Variants in COL19A1 observed in about 807,000 individuals in gnomAD.
COL19A1 encodes the protein collagen alpha-1(XIX) chain.
COL19A1 carries 159 observed loss-of-function variants against 190.2 expected under a neutral mutation model. That is an observed-to-expected ratio of 0.84 (90% CI 0.73 to 0.95). COL19A1 has a LOEUF of 0.95. COL19A1 is among the 40% of genes least tolerant of loss of function. COL19A1 has a pLI of 0.00. For synonymous variants in COL19A1, 509 were observed against 458.9 expected, an observed-to-expected ratio of 1.11 and a Z score of -1.39; for missense variants, 1,418 against 1,431.9, an observed-to-expected ratio of 0.99 and a Z score of 0.16.
Position 70,130,214 on chromosome 6 carries a change from AG to A in COL19A1, c.1376del (p.Gly459GlufsTer41). ...ATGAACATGAAGCTGGAGGCCTGAA[AG>A]GAGACAAGGTAATCAGATTTTTTTT... ...NDEHEAGGLK[G>X]DKGETGLPGF... is the part of the protein sequence containing the mutation. On this transcript the variant is annotated frameshift_variant, in exon 18 of 51. Transcript: ENST00000620364. LOFTEE classifies it high-confidence loss of function. 1 of 1,613,128 alleles carries A rather than the reference AG, an allele frequency of 6.2e-7. No homozygotes were observed. The highest frequency in any genetic ancestry group is 8.5e-7 in the Non-Finnish European group (1 of 1,179,692).
chr6:69,967,847 T>C (rs890204373), intron 11 of COL19A1, among the ~76,000 whole-genome samples: 2 of 152,220 alleles, frequency 1.3e-5, no homozygotes, highest in Non-Finnish European at 2.9e-5. Context: ...TATTGAACTC[T>C]ATATTGTTAT....
chr6:69,980,061 A>G (rs910763125), intron 11 of COL19A1, among the ~76,000 whole-genome samples: 7 of 152,036 alleles, frequency 4.6e-5, no homozygotes, highest in Non-Finnish European at 7.4e-5. Context: ...AGTTGGTAAA[A>G]TTTTTTAAAG....
Position 70,156,244 on chromosome 6 carries a change from G to T in COL19A1, c.2184+13G>T. 1 of 1,613,200 alleles carries T rather than the reference G, an allele frequency of 6.2e-7. No homozygotes were observed. The highest frequency in any genetic ancestry group is 8.5e-7 in the Non-Finnish European group (1 of 1,179,490). ...CATGGCCCGGAAGGTGAGAAGCCTG[G>T]CTGAATGTTTACGATCCCTGTGGGT... On this transcript the variant is annotated intron_variant, in intron 32 of 50. Transcript: ENST00000620364.
At chr6:69,872,621 G>A (rs1405301712) in intron 1 of COL19A1, among the ~76,000 whole-genome samples, 1 of 152,198 alleles carries the variant, frequency 6.6e-6, no homozygotes. Context: ...CACTTACCCA[G>A]CTGGTACCCA....
At chr6:69,899,878 A>G (rs1770048972) in intron 3 of COL19A1, among the ~76,000 whole-genome samples, 1 of 152,174 alleles carries the variant, frequency 6.6e-6, no homozygotes, top group Admixed American at 6.5e-5. Context: ...TTAGATTTAA[A>G]CTGAATGGCT....
intron 15 of COL19A1, among the ~76,000 whole-genome samples, chr6:70,101,400 C>T (rs941043835): frequency 6.6e-6 from 1 of 151,948 alleles, no homozygotes; most frequent in Non-Finnish European, 1.5e-5. Flanking sequence ...TTATTAGATT[C>T]ACGGGTACTT....
chr6:70,197,955 T>G (rs3806062), intron 48 of COL19A1, among the ~76,000 whole-genome samples: 2,127 of 152,372 alleles, frequency 0.014, 76 homozygotes, highest in East Asian at 0.13. Flanking sequence ...TTTTCTTTCT[T>G]AACCAGTATG....
chr6:70,166,631 C>A (rs150009746), intron 37 of COL19A1, among the ~76,000 whole-genome samples: 8 of 152,322 alleles, frequency 5.3e-5, no homozygotes, highest in Admixed American at 5.2e-4. Context: ...CCCCACCTCA[C>A]AGGAATACTT....
intron 30 of COL19A1, among the ~76,000 whole-genome samples, chr6:70,150,982 T>TA (rs1787022483): frequency 2.0e-5 from 3 of 152,170 alleles, no homozygotes; most frequent in African/African-American, 7.2e-5. Flanking sequence ...AAGGCAAACT[T>TA]ATCTGGTACT....
intron 44 of COL19A1, among the ~76,000 whole-genome samples, chr6:70,181,348 G>A (rs1342692713): frequency 6.6e-6 from 1 of 152,114 alleles, no homozygotes; most frequent in African/African-American, 2.4e-5. Flanking sequence ...GAAGATCTGG[G>A]TCTGAATTAT....
At chr6:70,035,857 CA>C in intron 13 of COL19A1, 46 bp from the exon 14 acceptor site, 2 of 1,526,526 alleles carry the variant, frequency 1.3e-6, no homozygotes, top group Non-Finnish European at 1.8e-6. Flanking sequence ...AAATAATGTG[CA>C]AAAAGGGACT....
chr6:70,102,695 G>C (rs890922483), intron 16 of COL19A1, among the ~76,000 whole-genome samples: 25 of 152,012 alleles, frequency 1.6e-4, no homozygotes, highest in African/African-American at 5.8e-4. Flanking sequence ...TAACCAGTTA[G>C]CTTATCTGGA....
rs117360937 is a variant in COL19A1 at position 70,098,863 on chromosome 6, G to A, written c.1225-3306G>A. 9.9e-3 allele frequency among the ~76,000 whole-genome samples: 1,501 copies of A among 151,832 alleles called. 6 individuals carry two copies. The highest frequency in any genetic ancestry group is 0.016 in the Non-Finnish European group (1,105 of 67,942). On this transcript the variant is annotated intron_variant, in intron 15 of 50. Transcript: ENST00000620364. ...CAAGACAAGGGAGTTAATTCCTAGG[G>A]GTCCTTGGAGAGAAGAACAATGATG... is the stretch of plus-strand genomic sequence containing the variant.
chr6:69,967,977 A>T (rs1213083766), intron 11 of COL19A1, among the ~76,000 whole-genome samples: 4 of 152,212 alleles, frequency 2.6e-5, no homozygotes, highest in Non-Finnish European at 5.9e-5. Context: ...ATCTGGGGTT[A>T]TTTATAATAA....
chr6:70,121,711 T>G (rs1021756805), intron 16 of COL19A1, among the ~76,000 whole-genome samples, 169 bp from the exon 17 acceptor site: 1 of 152,194 alleles, frequency 6.6e-6, no homozygotes, highest in South Asian at 2.1e-4. Flanking sequence ...CTTAGGAACC[T>G]GATGATAAGT....
intron 44 of COL19A1, among the ~76,000 whole-genome samples, chr6:70,184,460 A>C (rs1162646440): frequency 6.6e-6 from 1 of 152,220 alleles, no homozygotes; most frequent in Non-Finnish European, 1.5e-5. Flanking sequence ...ACTAGTGAAG[A>C]GATTGATGCT....
chr6:70,133,180 C>G (rs9446205), intron 18 of COL19A1, among the ~76,000 whole-genome samples: 2,812 of 152,186 alleles, frequency 0.018, 88 homozygotes, highest in African/African-American at 0.064. Flanking sequence ...AATATTTAAC[C>G]AGAAGAATAA....
intron 1 of COL19A1, 21 bp from the exon 2 acceptor site, chr6:69,879,515 A>ATTT (rs878981757): frequency 8.5e-7 from 1 of 1,171,552 alleles, no homozygotes; most frequent in Non-Finnish European, 1.2e-6. Context: ...CTTTATTCAA[A>ATTT]TTTTTTTTTT....
At chr6:70,189,403 C>A (rs1766720269) in intron 47 of COL19A1, among the ~76,000 whole-genome samples, 1 of 152,164 alleles carries the variant, frequency 6.6e-6, no homozygotes, top group Admixed American at 6.5e-5. Context: ...TCTCATCTGA[C>A]CATCTTCTGT....
Sources: gnomAD v4.1 joint callset for allele counts (sites outside exome capture counted in the v4.1 genomes callset) on GRCh38, gnomAD v4.1.1 for gene constraint, MANE v1.5 for transcripts, NCBI Gene and HGNC (gene_info 2026-07-23, HGNC 2026-07-21) for gene names.